TPD52: variants seen among roughly 807,000 people sequenced by gnomAD.
TPD52 encodes tumor protein D52.
In TPD52, 17 loss-of-function variants were observed where a neutral mutation model predicts 31.3. That is an observed-to-expected ratio of 0.54 (90% CI 0.37 to 0.82). TPD52 has a LOEUF of 0.82. Among genes scored for constraint, TPD52 ranks in the 40% least tolerant of loss-of-function variants. TPD52 has a pLI of 0.00. For synonymous variants in TPD52, 83 were observed against 89.6 expected (o/e 0.93, Z 0.42); for missense variants, 212 against 240.1 (o/e 0.88, Z 0.77).
At chr8:80,165,044 CA>C (rs1489974656) in intron 1 of TPD52, among the ~76,000 whole-genome samples, 1 of 147,542 alleles carries the variant, frequency 6.8e-6, no homozygotes, top group Non-Finnish European at 1.5e-5. Flanking sequence ...CTATAAAATA[CA>C]ATAGAAAAAT....
At chr8:80,100,421 C>T (rs530453997) in intron 1 of TPD52, among the ~76,000 whole-genome samples, 2 of 152,340 alleles carry the variant, frequency 1.3e-5, no homozygotes, top group South Asian at 2.1e-4. Flanking sequence ...AAGGCAACAG[C>T]ACCTTCAGCA....
intron 1 of TPD52, chr8:80,158,943 C>CAAAAAAAAAAAA (rs57625062): frequency 1.3e-5 from 1 of 76,330 alleles, no homozygotes; most frequent in African/African-American, 5.2e-5. Context: ...GACTCCGTCT[C>CAAAAAAAAAAAA]AAAAAAAAAA....
chr8:80,123,734 C>T (rs1160015245), intron 1 of TPD52, among the ~76,000 whole-genome samples: 1 of 152,148 alleles, frequency 6.6e-6, no homozygotes, highest in African/African-American at 2.4e-5. Context: ...TGTATAAGCT[C>T]TCTGAAGGAG....
rs147232107 is a variant in TPD52 at position 80,121,860 on chromosome 8, T to C, written c.19+49565A>G. ...TTTATTCATTTACAAGGTTTTTTCA[T>C]TGATTTCCAGCTGAGTTCCTACAGC... On this transcript the variant is annotated intron_variant, in intron 1 of 7. Transcript: ENST00000518937. 5.4e-3 allele frequency among the ~76,000 whole-genome samples: 824 copies of C among 152,286 alleles called. 7 individuals are homozygous for C. The highest frequency in any genetic ancestry group is 0.019 in the African/African-American group (784 of 41,554).
chr8:80,096,617 CT>C (rs1816765125), intron 1 of TPD52, among the ~76,000 whole-genome samples: 1 of 152,064 alleles, frequency 6.6e-6, no homozygotes, highest in Non-Finnish European at 1.5e-5. Flanking sequence ...TTATTTCAAA[CT>C]TTTTCATTAT....
At chr8:80,055,493 T>C (rs960848683) in intron 2 of TPD52, among the ~76,000 whole-genome samples, 4 of 152,304 alleles carry the variant, frequency 2.6e-5, no homozygotes, top group Non-Finnish European at 4.4e-5. Flanking sequence ...CTTCAGGGCA[T>C]TGGTCTAGAC....
At chr8:80,160,856 A>G (rs1195383308) in intron 1 of TPD52, among the ~76,000 whole-genome samples, 2 of 143,614 alleles carry the variant, frequency 1.4e-5, no homozygotes, top group Non-Finnish European at 3.0e-5. Context: ...CCAGCCTGGG[A>G]AACGAGGCAA....
intron 1 of TPD52, among the ~76,000 whole-genome samples, chr8:80,151,626 A>G (rs1458381120): frequency 1.3e-5 from 2 of 152,240 alleles, no homozygotes; most frequent in Admixed American, 6.5e-5. Flanking sequence ...AATCAGCATA[A>G]TAAGAAAGTC....
intron 7 of TPD52, 107 bp from the exon 8 acceptor site, chr8:80,038,342 TTA>T: frequency 8.7e-7 from 1 of 1,149,056 alleles, no homozygotes; most frequent in Non-Finnish European, 1.2e-6. Context: ...ATCAGCAACC[TTA>T]TAGCTCAGTG....
At chr8:80,094,623 T>A (rs1471550896) in intron 1 of TPD52, among the ~76,000 whole-genome samples, 5 of 150,662 alleles carry the variant, frequency 3.3e-5, no homozygotes, top group Non-Finnish European at 7.4e-5. Context: ...AATGATCATA[T>A]CCCCAGGTAA....
intron 1 of TPD52, among the ~76,000 whole-genome samples, chr8:80,086,321 A>G (rs958245046): frequency 1.8e-4 from 27 of 150,300 alleles, no homozygotes; most frequent in Non-Finnish European, 7.4e-5. Flanking sequence ...GTTTCACCAT[A>G]TTGGCTAGGA....
chr8:80,073,563 T>A (rs993158934), intron 1 of TPD52, among the ~76,000 whole-genome samples: 1 of 152,208 alleles, frequency 6.6e-6, no homozygotes, highest in African/African-American at 2.4e-5. Context: ...TCCAATCCTG[T>A]GTCTTTAGCC....
chr8:80,154,757 C>A (rs1022526504), intron 1 of TPD52, among the ~76,000 whole-genome samples: 2 of 129,932 alleles, frequency 1.5e-5, no homozygotes, highest in Non-Finnish European at 3.4e-5. Flanking sequence ...ACACACAAAA[C>A]ACCTACATTA....
downstream of TPD52, among the ~76,000 whole-genome samples, chr8:80,034,418 AC>A (rs910044512): frequency 2.6e-5 from 4 of 151,378 alleles, no homozygotes; most frequent in East Asian, 2.0e-4. Context: ...AGAGCCTGCA[AC>A]CCCCCAGCCA....
At chr8:80,148,317 A>AGTATGTGTGTGTGTGT (rs1554594167) in intron 1 of TPD52, among the ~76,000 whole-genome samples, 125 of 143,996 alleles carry the variant, frequency 8.7e-4, no homozygotes, top group Non-Finnish European at 1.6e-3. Flanking sequence ...TTCCTGGCTA[A>AGTATGTGTGTGTGTGT]GTGTGTGTGT....
chr8:80,150,688 A>T (rs1240579672), intron 1 of TPD52, among the ~76,000 whole-genome samples: 1 of 152,160 alleles, frequency 6.6e-6, no homozygotes, highest in Non-Finnish European at 1.5e-5. Flanking sequence ...TGGATTTCGG[A>T]CTTGCATGGA....
chr8:80,150,532 C>T (rs946181982), intron 1 of TPD52, among the ~76,000 whole-genome samples: 3 of 152,178 alleles, frequency 2.0e-5, no homozygotes, highest in Non-Finnish European at 4.4e-5. Flanking sequence ...AACGCCAGCC[C>T]GTGAAAGCAG....
At chr8:80,156,748 C>T (rs1185890828) in intron 1 of TPD52, among the ~76,000 whole-genome samples, 3 of 152,006 alleles carry the variant, frequency 2.0e-5, no homozygotes, top group Non-Finnish European at 1.5e-5. Context: ...CTGGACTTTC[C>T]AAGGCTGTGG....
intron 1 of TPD52, among the ~76,000 whole-genome samples, chr8:80,133,393 G>C (rs1328118904): frequency 6.6e-6 from 1 of 152,096 alleles, no homozygotes; most frequent in Non-Finnish European, 1.5e-5. Flanking sequence ...TCCATGTTTA[G>C]CTGTCTGGTG....
Sources: allele counts gnomAD v4.1 joint callset (sites outside exome capture counted in the v4.1 genomes callset), GRCh38; gene constraint gnomAD v4.1.1; transcripts MANE v1.5; gene names NCBI Gene and HGNC (gene_info 2026-07-23, HGNC 2026-07-21).